LINGO2: variants seen among roughly 807,000 people sequenced by gnomAD.
The protein encoded by LINGO2 is leucine rich repeat and Ig domain containing 2.
A neutral mutation model predicts 30.6 loss-of-function variants in LINGO2; 14 were observed. The observed-to-expected ratio is 0.46, with a 90% CI of 0.30 to 0.72. The LOEUF (loss-of-function observed/expected upper bound fraction) is 0.72. Among genes scored for constraint, LINGO2 ranks in the 30% least tolerant of loss-of-function variants. LINGO2 has a pLI of 0.07. For missense variants in LINGO2, 729 were observed against 751.7 expected, an observed-to-expected ratio of 0.97 and a Z score of 0.35; for synonymous variants, 317 against 288.5, an observed-to-expected ratio of 1.10 and a Z score of -1.00.
chr9:28,199,500 G>A (rs1302520171), intron 4 of LINGO2, among the ~76,000 whole-genome samples: 1 of 151,864 alleles, frequency 6.6e-6, no homozygotes, highest in Non-Finnish European at 1.5e-5. Context: ...CACCACGCTC[G>A]GCTAATTTTT....
chr9:29,019,707 T>A, the LINGO2 span, among the ~76,000 whole-genome samples: 2 of 152,192 alleles, frequency 1.3e-5, no homozygotes, highest in Non-Finnish European at 2.9e-5. Context: ...GAAATGTTGG[T>A]GGCACTGGAT....
At chr9:28,124,820 G>T (rs1056492690) in intron 4 of LINGO2, among the ~76,000 whole-genome samples, 1 of 152,206 alleles carries the variant, frequency 6.6e-6, no homozygotes, top group African/African-American at 2.4e-5. Context: ...CCTTTCTTCA[G>T]TGATTCTTGC....
At chr9:28,166,152 G>C (rs1828420388) in intron 4 of LINGO2, among the ~76,000 whole-genome samples, 1 of 152,086 alleles carries the variant, frequency 6.6e-6, no homozygotes, top group African/African-American at 2.4e-5. Flanking sequence ...ACTATGCTAG[G>C]TACAGAGCAT....
At chr9:28,348,674 G>A (rs575641256) in intron 3 of LINGO2, among the ~76,000 whole-genome samples, 75 of 152,176 alleles carry the variant, frequency 4.9e-4, no homozygotes, top group South Asian at 2.9e-3. Flanking sequence ...GCCTGCCTCT[G>A]TAGGCTCCAC....
chr9:27,974,579 C>T (rs12338322), intron 5 of LINGO2, among the ~76,000 whole-genome samples: 2,798 of 152,118 alleles, frequency 0.018, 89 homozygotes, highest in African/African-American at 0.064. Flanking sequence ...CATTACCACC[C>T]GGTATTGCAT....
the LINGO2 span, among the ~76,000 whole-genome samples, chr9:28,696,968 G>A: frequency 9.4e-3 from 1,420 of 151,734 alleles, 32 homozygotes; most frequent in East Asian, 0.081. Flanking sequence ...TTAGCTAGGT[G>A]TCCTCGAGTT....
At chr9:28,370,118 C>T (rs1041652212) in intron 3 of LINGO2, among the ~76,000 whole-genome samples, 2 of 152,078 alleles carry the variant, frequency 1.3e-5, no homozygotes, top group African/African-American at 4.8e-5. Context: ...AATTAGTTTT[C>T]TTATTCCTAA....
At chr9:28,604,760 T>C (rs1316129735) in intron 1 of LINGO2, among the ~76,000 whole-genome samples, 1 of 151,968 alleles carries the variant, frequency 6.6e-6, no homozygotes, top group Non-Finnish European at 1.5e-5. Context: ...TGTAATTATA[T>C]AACACACATG....
intron 2 of LINGO2, among the ~76,000 whole-genome samples, chr9:28,453,703 G>A (rs1824735905): frequency 6.6e-6 from 1 of 151,920 alleles, no homozygotes; most frequent in Non-Finnish European, 1.5e-5. Context: ...GAATATAAAT[G>A]TATGTTGAGC....
chr9:28,511,237 GAGTA>G (rs1423144568), intron 1 of LINGO2, among the ~76,000 whole-genome samples: 5 of 152,130 alleles, frequency 3.3e-5, no homozygotes, highest in Non-Finnish European at 5.9e-5. Flanking sequence ...CCCATATCTG[GAGTA>G]AGTGTCTATT....
intron 2 of LINGO2, among the ~76,000 whole-genome samples, chr9:28,392,414 A>G (rs1293307808): frequency 2.0e-5 from 3 of 152,180 alleles, no homozygotes; most frequent in Non-Finnish European, 4.4e-5. Flanking sequence ...CTCACATAAA[A>G]GTCATGTAAC....
chr9:28,082,610 T>C lies in LINGO2; in HGVS notation c.-86-70205A>G, dbSNP rs113873229. On this transcript the variant is annotated intron_variant, in intron 4 of 5. Transcript: ENST00000379992. ...ACTAGAGGCTTTGAAAACTTTAAAC[T>C]GGGCTTTCAAAGCCATAATTAGTTT... is the stretch of plus-strand genomic sequence containing the variant. Among the ~76,000 whole-genome samples, 886 of 152,290 alleles carry C rather than the reference T, an allele frequency of 5.8e-3. 16 individuals are homozygous for C. Among genetic ancestry groups the C allele is most frequent in the African/African-American group, 0.02 (826 of 41,580 alleles).
the LINGO2 span, among the ~76,000 whole-genome samples, chr9:28,790,491 G>A: frequency 6.8e-6 from 1 of 146,054 alleles, no homozygotes; most frequent in Non-Finnish European, 1.5e-5. Context: ...ACCACGCCCG[G>A]CTAATTTTTT....
intron 2 of LINGO2, among the ~76,000 whole-genome samples, chr9:28,423,652 T>C (rs1236553042): frequency 6.6e-6 from 1 of 152,126 alleles, no homozygotes; most frequent in Non-Finnish European, 1.5e-5. Context: ...TAGCTCTACA[T>C]ATGTATAAAA....
chr9:28,966,028 T>A, the LINGO2 span, among the ~76,000 whole-genome samples: 7 of 152,160 alleles, frequency 4.6e-5, no homozygotes, highest in Non-Finnish European at 8.8e-5. Context: ...CACAGACCTA[T>A]TGATTTAGAT....
intron 4 of LINGO2, among the ~76,000 whole-genome samples, chr9:28,157,788 G>A (rs1025295027): frequency 1.3e-5 from 2 of 152,198 alleles, no homozygotes; most frequent in African/African-American, 4.8e-5. Context: ...TCCAGGGCAG[G>A]GGCAAAATGC....
intron 2 of LINGO2, among the ~76,000 whole-genome samples, chr9:28,406,209 G>A (rs566079262): frequency 6.6e-6 from 1 of 152,210 alleles, no homozygotes; most frequent in African/African-American, 2.4e-5. Context: ...GAGGAGGTGG[G>A]CAGATCACTT....
At chr9:28,149,950 C>T (rs1827947175) in intron 4 of LINGO2, among the ~76,000 whole-genome samples, 2 of 151,038 alleles carry the variant, frequency 1.3e-5, no homozygotes, top group Admixed American at 1.3e-4. Flanking sequence ...TCTGCCTGGC[C>T]TCCTCACCGT....
At chr9:28,026,147 C>CT (rs1823365372) in intron 4 of LINGO2, among the ~76,000 whole-genome samples, 1 of 152,194 alleles carries the variant, frequency 6.6e-6, no homozygotes, top group African/African-American at 2.4e-5. Flanking sequence ...AATAATACTT[C>CT]TCCCAGGAAC....
Sources: allele counts gnomAD v4.1 joint callset (sites outside exome capture counted in the v4.1 genomes callset), GRCh38; gene constraint gnomAD v4.1.1; transcripts MANE v1.5; gene names NCBI Gene and HGNC (gene_info 2026-07-23, HGNC 2026-07-21).